Variants in ZNF266 observed in about 807,000 individuals in gnomAD.
The protein encoded by ZNF266 is zinc finger protein 266, also known as zinc finger protein 1.
In ZNF266, 16 loss-of-function variants were observed where a neutral mutation model predicts 16.4. The observed-to-expected ratio is 0.98, with a 90% CI of 0.66 to 1.48. The LOEUF (loss-of-function observed/expected upper bound fraction) is 1.48. Among genes scored for constraint, ZNF266 ranks in the 40% most tolerant of loss-of-function variants. The probability of loss-of-function intolerance (pLI) is 0.00; values close to 1 mark genes in which losing one functional copy is unlikely to be tolerated. For synonymous variants in ZNF266, 262 were observed against 237.9 expected, an observed-to-expected ratio of 1.10 and a Z score of -0.93; for missense variants, 738 against 689.1, an observed-to-expected ratio of 1.07 and a Z score of -0.79.
At chr19:9,422,337 C>T (rs2123115923) in intron 5 of ZNF266, among the ~76,000 whole-genome samples, 1 of 152,290 alleles carries the variant, frequency 6.6e-6, no homozygotes, top group African/African-American at 2.4e-5. Context: ...CCAGTGATGG[C>T]TGGACAGACA....
intron 8 of ZNF266, 85 bp downstream of exon 8, chr19:9,418,420 G>A (rs929932702): frequency 7.0e-7 from 1 of 1,418,998 alleles, no homozygotes; most frequent in African/African-American, 1.4e-5. Flanking sequence ...ATTGTGTTCA[G>A]AGTTGCTATC....
rs1270376529 is a variant in ZNF266 at position 9,412,475 on chromosome 19, G to C, written c.*800C>G. On this transcript the variant is annotated 3_prime_UTR_variant, in exon 11 of 11. Coordinates refer to ENST00000592904, the MANE Select transcript of ZNF266 (RefSeq NM_001370374.1). ...ATGTTTGAAGAAAGCTTAAAAATTT[G>C]TGTTGGTCTGCATTCAAAGCCATCC... The C allele has an allele frequency of 6.6e-6, 1 of 152,232 alleles. No individual in the cohort carries two copies. Among genetic ancestry groups the C allele is most frequent in the Non-Finnish European group, 1.5e-5 (1 of 68,036 alleles). The allele number at this position is 152,232 out of a possible 1,614,324, so 9.4% of individuals were successfully genotyped here.
rs2241356 is a variant in ZNF266, at chr19:9,413,509, A to G, written c.1617T>C (p.Ala539=). Residue 539 remains alanine (A), a synonymous_variant, in exon 11 of 11, where the codon GCT becomes GCC. Coordinates refer to ENST00000592904, the MANE Select transcript of ZNF266 (RefSeq NM_001370374.1). Reference sequence around the variant, plus strand: ...GGTTAACACACGTGGGAAACTTAAAAGCTTTGCCACATTCCATACACGTGA... The same window carrying G: ...GGTTAACACACGTGGGAAACTTAAAGGCTTTGCCACATTCCATACACGTGA... ...KPFTCMECGK[A]FKFPTCVNLH... 939,886 of 1,613,720 alleles carry G rather than the reference A, an allele frequency of 0.58. 276,868 individuals carry two copies. The highest frequency in any genetic ancestry group is 0.73 in the African/African-American group (55,016 of 74,964).
At chr19:9,424,125 G>GC (rs917247180) in intron 5 of ZNF266, among the ~76,000 whole-genome samples, 11 of 150,552 alleles carry the variant, frequency 7.3e-5, no homozygotes, top group South Asian at 4.2e-4. Flanking sequence ...AGAGGAAAAT[G>GC]CCCCCCCCAG....
chr19:9,421,995 C>A (rs1481713860), intron 5 of ZNF266, among the ~76,000 whole-genome samples: 5 of 152,118 alleles, frequency 3.3e-5, no homozygotes, highest in Non-Finnish European at 7.3e-5. Flanking sequence ...GGACTATAGG[C>A]ACCCGCCACC....
chr19:9,413,839 A>G lies in ZNF266; in HGVS notation c.1287T>C (p.Thr429=). 1 of 1,614,092 alleles carries G rather than the reference A, an allele frequency of 6.2e-7. No individual in the cohort carries two copies. Among genetic ancestry groups the G allele is most frequent in the South Asian group, 1.1e-5 (1 of 91,074 alleles). The change falls in exon 11 of 11, where the codon ACT becomes ACC. Residue 429 remains threonine (T), a synonymous_variant. Coordinates refer to ENST00000592904, the MANE Select transcript of ZNF266 (RefSeq NM_001370374.1). The part of the protein sequence containing the change: ...YKCKDCGKAF[T]QNSDLTKHAR... ...CATGCTTAGTAAGGTCTGAGTTCTG[A>G]GTGAAGGCTTTCCCACAATCCTTAC...
At chr19:9,425,411 C>A (rs567623456) in intron 5 of ZNF266, among the ~76,000 whole-genome samples, 8 of 152,264 alleles carry the variant, frequency 5.3e-5, no homozygotes, top group African/African-American at 1.2e-4. Context: ...CCGCCCAACA[C>A]ACTGGAATGT....
Position 9,414,315 on chromosome 19 carries a change from G to A in ZNF266, c.811C>T (p.Gln271Ter), listed in dbSNP as rs2068660245. Residue 271 changes from glutamine to a stop codon, truncating the protein, a stop_gained, in exon 11 of 11, where the codon CAA (glutamine) becomes TAA (stop). Coordinates refer to ENST00000592904, the MANE Select transcript of ZNF266 (RefSeq NM_001370374.1). LOFTEE classifies it low-confidence loss of function (END_TRUNC). The part of the protein sequence containing the change: ...IHSTDLAVRI[Q>*]THRSEKPYKC... ...TAGGGTTTTTCTGACCTGTGAGTTTGTATACGCACAGCAAGGTCTGTGGAG... is the reference window on the plus strand; with the variant it reads ...TAGGGTTTTTCTGACCTGTGAGTTTATATACGCACAGCAAGGTCTGTGGAG... 1 of 1,613,934 alleles carries A rather than the reference G, an allele frequency of 6.2e-7. No individual in the cohort carries two copies. The highest frequency in any genetic ancestry group is 8.5e-7 in the Non-Finnish European group (1 of 1,179,944).
intron 5 of ZNF266, among the ~76,000 whole-genome samples, chr19:9,427,222 A>G (rs1214046195): frequency 1.3e-5 from 2 of 152,212 alleles, no homozygotes; most frequent in Non-Finnish European, 2.9e-5. Flanking sequence ...GGTCCCATCC[A>G]TCAAGGTGCC....
rs1042656390 is a variant in ZNF266 at position 9,414,074 on chromosome 19, C to G, written c.1052G>C (p.Ser351Thr). The change falls in exon 11 of 11, where the codon AGT becomes ACT. Residue 351 changes from serine to threonine, a missense_variant. Coordinates refer to ENST00000592904, the MANE Select transcript of ZNF266 (RefSeq NM_001370374.1). ...ACCCACATGGATTTTCATATGTTGA[C>G]TTAAGCAAGAGGAAACAGTGAAGGC... ...GRAFTVSSCL[S>T]QHMKIHVGEK... 2.5e-6 allele frequency: 4 copies of G among 1,613,692 alleles called. No individual in the cohort carries two copies. Among genetic ancestry groups the G allele is most frequent in the Non-Finnish European group, 3.4e-6 (4 of 1,179,980 alleles).
In ZNF266 at chr19:9,413,960, TCC is replaced by T; in HGVS notation, c.1164_1165del (p.Asp389SerfsTer3). ...TCCACATATCTTACATTCAAAGGGA[TCC>T]TTTGCAGTGTGAGTTTTTAAATGTT... is the stretch of plus-strand genomic sequence containing the variant. On this transcript the variant is annotated frameshift_variant, in exon 11 of 11. Coordinates refer to ENST00000592904, the MANE Select transcript of ZNF266 (RefSeq NM_001370374.1). LOFTEE classifies it low-confidence loss of function (END_TRUNC). 1 of 1,614,188 alleles carries T rather than the reference TCC, an allele frequency of 6.2e-7. No homozygotes were observed. The highest frequency in any genetic ancestry group is 8.5e-7 in the Non-Finnish European group (1 of 1,180,038).
chr19:9,415,619 A>T, intron 10 of ZNF266, 35 bp downstream of exon 10: 1 of 1,526,978 alleles, frequency 6.5e-7, no homozygotes, highest in Non-Finnish European at 9.1e-7. Flanking sequence ...TCATCTCTAA[A>T]TGTGAAAACT....
chr19:9,426,659 G>GA (rs1455422512), intron 5 of ZNF266, among the ~76,000 whole-genome samples: 1 of 151,980 alleles, frequency 6.6e-6, no homozygotes, highest in East Asian at 1.9e-4. Flanking sequence ...GAGACATGGG[G>GA]AAAAAAATAA....
intron 8 of ZNF266, 35 bp from the exon 9 acceptor site, chr19:9,417,943 C>T (rs1311931797): frequency 6.3e-7 from 1 of 1,584,162 alleles, no homozygotes; most frequent in Non-Finnish European, 8.7e-7. Flanking sequence ...CCAGAAGAGG[C>T]TCATGCAAGA....
At chr19:9,415,633 A>G (rs1243405254) in intron 10 of ZNF266, 21 bp downstream of exon 10, 1 of 1,580,244 alleles carries the variant, frequency 6.3e-7, no homozygotes, top group East Asian at 2.3e-5. Flanking sequence ...GAAAACTAAG[A>G]CGTATCCTTG....
intron 9 of ZNF266, 115 bp from the exon 10 acceptor site, chr19:9,415,857 T>G (rs779309359): frequency 1.1e-5 from 9 of 804,710 alleles, no homozygotes; most frequent in Non-Finnish European, 1.7e-5. Flanking sequence ...GGTGTCTCAC[T>G]CTGTTGCCCA....
intron 5 of ZNF266, among the ~76,000 whole-genome samples, chr19:9,425,726 T>C (rs1318230965): frequency 1.3e-5 from 2 of 152,048 alleles, no homozygotes; most frequent in African/African-American, 4.8e-5. Flanking sequence ...ATTGGGTGGG[T>C]CCTCCATAGT....
In ZNF266 at chr19:9,415,647, A is replaced by G. The variant is rs866145654; in HGVS notation, c.405+7T>C. On this transcript the variant is annotated splice_region_variant and intron_variant, in intron 10 of 10. Coordinates refer to ENST00000592904, the MANE Select transcript of ZNF266 (RefSeq NM_001370374.1). ...TGAAAACTAAGACGTATCCTTGTTAATCTTACCATTTGAATCCCACTGGAG... is the reference window on the plus strand; with the variant it reads ...TGAAAACTAAGACGTATCCTTGTTAGTCTTACCATTTGAATCCCACTGGAG... The G allele has an allele frequency of 1.9e-6, 3 of 1,604,308 alleles. No individual in the cohort carries two copies. In the Middle Eastern group the frequency reaches 5.0e-4, roughly 266 times the overall value.
At chr19:9,434,592 G>T (rs1024516829) in intron 3 of ZNF266, among the ~76,000 whole-genome samples, 1 of 152,144 alleles carries the variant, frequency 6.6e-6, no homozygotes, top group Non-Finnish European at 1.5e-5. Context: ...ATGAAACTTG[G>T]ATACGTAATA....
Sources: gnomAD v4.1 joint callset for allele counts (sites outside exome capture counted in the v4.1 genomes callset) on GRCh38, gnomAD v4.1.1 for gene constraint, MANE v1.5 for transcripts, NCBI Gene and HGNC (gene_info 2026-07-23, HGNC 2026-07-21) for gene names.